PALM2AKAP2: variants seen among roughly 807,000 people sequenced by gnomAD.
PALM2AKAP2 encodes the protein PALM2-AKAP2 fusion protein.
Under a neutral mutation model 71.5 loss-of-function variants are expected in PALM2AKAP2, and 37 were observed. The observed-to-expected ratio is 0.52, with a 90% CI of 0.40 to 0.68. The LOEUF is 0.68. Among genes scored for constraint, PALM2AKAP2 ranks in the 30% least tolerant of loss-of-function variants. The pLI, the probability that PALM2AKAP2 is intolerant of heterozygous loss-of-function variation, is 0.00. For missense variants in PALM2AKAP2, 1,224 were observed against 1,191.8 expected (o/e 1.03, Z -0.40); for synonymous variants, 468 against 478.8 (o/e 0.98, Z 0.29).
chr9:109,862,310 G>A (rs907497134), intron 1 of PALM2AKAP2, among the ~76,000 whole-genome samples: 11 of 152,300 alleles, frequency 7.2e-5, no homozygotes, highest in Non-Finnish European at 1.2e-4. Context: ...GCCTGGGGAT[G>A]GTTCTGGCTT....
At chr9:109,667,186 G>C (rs1343127691) in intron 1 of PALM2AKAP2, among the ~76,000 whole-genome samples, 2 of 152,056 alleles carry the variant, frequency 1.3e-5, no homozygotes, top group Non-Finnish European at 2.9e-5. Context: ...GGAGGAGAGA[G>C]AGAAATAGGA....
rs143662952 is a variant in PALM2AKAP2 at position 109,875,874 on chromosome 9, T to C, written c.127-4677T>C. 4.6e-3 allele frequency among the ~76,000 whole-genome samples: 700 copies of C among 152,334 alleles called. 5 individuals are homozygous for C. Among genetic ancestry groups the C allele is most frequent in the African/African-American group, 0.016 (645 of 41,570 alleles). ...ACAGATTTACTTTGGGAGTTCCTTC[T>C]GTCCTCCTTTCAGAAGCCCCTGTCA... On this transcript the variant is annotated intron_variant, in intron 2 of 9. Transcript: ENST00000302798.
chr9:109,641,016 C>A, intron 1 of PALM2AKAP2: 1 of 1,231,188 alleles, frequency 8.1e-7, no homozygotes, highest in South Asian at 1.7e-5. Context: ...CTATAGCAGC[C>A]GCCGCGGCGG....
At chr9:109,712,892 C>T (rs1032757866) in intron 1 of PALM2AKAP2, among the ~76,000 whole-genome samples, 1 of 152,174 alleles carries the variant, frequency 6.6e-6, no homozygotes, top group Non-Finnish European at 1.5e-5. Flanking sequence ...TACTTCTGAG[C>T]TGAGCTGAAG....
intron 1 of PALM2AKAP2, among the ~76,000 whole-genome samples, chr9:109,718,329 C>T (rs1828358495): frequency 6.6e-6 from 1 of 152,180 alleles, no homozygotes; most frequent in Admixed American, 6.5e-5. Context: ...ATCCACCTGC[C>T]TCGGTCTCCC....
At chr9:109,808,176 G>A (rs1827631655) in intron 1 of PALM2AKAP2, among the ~76,000 whole-genome samples, 1 of 152,224 alleles carries the variant, frequency 6.6e-6, no homozygotes, top group Admixed American at 6.5e-5. Context: ...TTTGGAACTG[G>A]TGAACAGGGA....
intron 3 of PALM2AKAP2, 53 bp downstream of exon 10, chr9:110,162,185 T>C: frequency 6.2e-7 from 1 of 1,606,172 alleles, no homozygotes; most frequent in Admixed American, 1.7e-5. Flanking sequence ...TCCAGGTGCA[T>C]GCTGTTGTGG....
chr9:109,674,366 A>G (rs1193742852), intron 1 of PALM2AKAP2, among the ~76,000 whole-genome samples: 1 of 151,888 alleles, frequency 6.6e-6, no homozygotes, highest in Non-Finnish European at 1.5e-5. Context: ...TACAGGTCAC[A>G]TTTTCCTTCT....
intron 1 of PALM2AKAP2, among the ~76,000 whole-genome samples, chr9:110,091,472 T>TTTTTTTC (rs1420479226): frequency 1.4e-5 from 2 of 139,832 alleles, no homozygotes; most frequent in East Asian, 4.0e-4. Context: ...TTTTTTTTTT[T>TTTTTTTC]TTTTTTTTGA....
At chr9:110,106,138 G>C (rs1835116422) in intron 1 of PALM2AKAP2, among the ~76,000 whole-genome samples, 2 of 152,318 alleles carry the variant, frequency 1.3e-5, no homozygotes, top group Middle Eastern at 6.8e-3. Context: ...GGTAAGAGTT[G>C]GCTTCTTTAG....
chr9:110,004,060 G>A (rs1484386872), intron 6 of PALM2AKAP2, among the ~76,000 whole-genome samples: 1 of 152,160 alleles, frequency 6.6e-6, no homozygotes, highest in African/African-American at 2.4e-5. Flanking sequence ...GTATGAATTT[G>A]ATCCTGTCAT....
intron 1 of PALM2AKAP2, among the ~76,000 whole-genome samples, chr9:109,809,250 A>C (rs1355855825): frequency 1.3e-5 from 2 of 152,222 alleles, no homozygotes; most frequent in African/African-American, 4.8e-5. Context: ...TTTCAATGCT[A>C]GTCCATGAAA....
intron 2 of PALM2AKAP2, among the ~76,000 whole-genome samples, chr9:110,145,833 C>T (rs1486504721): frequency 7.0e-6 from 1 of 142,542 alleles, no homozygotes; most frequent in Non-Finnish European, 1.6e-5. Context: ...AGATATTACC[C>T]TTAAAGGCTT....
intron 1 of PALM2AKAP2, among the ~76,000 whole-genome samples, chr9:109,772,771 T>A (rs1240378746): frequency 6.6e-6 from 1 of 152,222 alleles, no homozygotes; most frequent in Non-Finnish European, 1.5e-5. Context: ...TTTTATCTTA[T>A]GTGTTAGCAC....
At chr9:110,169,754 G>A (rs1312442896) in exon 4 of PALM2AKAP2, 1 of 148,708 alleles carries the variant, frequency 6.7e-6, no homozygotes, top group Non-Finnish European at 1.5e-5. Flanking sequence ...GTGTGTGGAT[G>A]TGTGTGTGTG....
At chr9:109,935,086 G>A (rs1172648422) in intron 6 of PALM2AKAP2, among the ~76,000 whole-genome samples, 2 of 152,106 alleles carry the variant, frequency 1.3e-5, no homozygotes, top group Admixed American at 6.6e-5. Flanking sequence ...TCAAACACGC[G>A]CAGTTCCTCC....
At chr9:110,035,274 A>G (rs1833363083) in intron 7 of PALM2AKAP2, among the ~76,000 whole-genome samples, 1 of 145,380 alleles carries the variant, frequency 6.9e-6, no homozygotes, top group African/African-American at 2.5e-5. Flanking sequence ...TATATAATAT[A>G]TAATATACAT....
At chr9:110,156,663 G>A (rs906983833) in intron 3 of PALM2AKAP2, among the ~76,000 whole-genome samples, 166 bp downstream of exon 9, 1 of 152,152 alleles carries the variant, frequency 6.6e-6, no homozygotes, top group Non-Finnish European at 1.5e-5. Context: ...CTGGGTTTGG[G>A]TTTTTGCCTG....
intron 6 of PALM2AKAP2, among the ~76,000 whole-genome samples, chr9:109,983,277 G>T (rs534376820): frequency 1.3e-5 from 2 of 152,298 alleles, no homozygotes; most frequent in African/African-American, 2.4e-5. Flanking sequence ...TAAAGAGTTG[G>T]TTTTTGCTGA....
Sources: gnomAD v4.1 joint callset for allele counts (sites outside exome capture counted in the v4.1 genomes callset) on GRCh38, gnomAD v4.1.1 for gene constraint, MANE v1.5 for transcripts, NCBI Gene and HGNC (gene_info 2026-07-23, HGNC 2026-07-21) for gene names.